The following PDZK1 variants were observed in gnomAD, a reference collection of about 807,000 sequenced individuals.
PDZK1 encodes PDZ domain containing 1, also known as Na(+)/H(+) exchange regulatory cofactor NHE-RF3.
In PDZK1, 23 loss-of-function variants were observed where a neutral mutation model predicts 38.1. That is an observed-to-expected ratio of 0.60 (90% CI 0.43 to 0.85). The LOEUF (loss-of-function observed/expected upper bound fraction) is 0.85, where lower values mean the gene tolerates loss of function less well. Ranked by LOEUF, PDZK1 falls within the 40% of genes least tolerant of loss-of-function variation. The pLI is 0.00. For synonymous variants in PDZK1, 98 were observed against 186.2 expected (o/e 0.53, Z 3.86); for missense variants, 297 against 504.3 (o/e 0.59, Z 3.94).
At chr1:145,699,988 T>A (rs74119451) in intron 1 of PDZK1, among the ~76,000 whole-genome samples, 4,761 of 152,228 alleles carry the variant, frequency 0.031, 228 homozygotes, top group African/African-American at 0.11. Flanking sequence ...GTCCACTCCA[T>A]CCAAGTTACT....
chr1:145,689,594 G>GC (rs1553702738), intron 1 of PDZK1, among the ~76,000 whole-genome samples: 1 of 152,182 alleles, frequency 6.6e-6, no homozygotes, highest in African/African-American at 2.4e-5. Context: ...GGCCAGAACA[G>GC]CAAGAGGCTG....
intron 1 of PDZK1, among the ~76,000 whole-genome samples, chr1:145,690,741 C>T (rs921011908): frequency 1.3e-5 from 2 of 152,166 alleles, no homozygotes; most frequent in African/African-American, 2.4e-5. Context: ...AAAGTGAAAC[C>T]TCCTCACTAG....
At chr1:145,691,006 T>A (rs781865191) in intron 1 of PDZK1, among the ~76,000 whole-genome samples, 8 of 152,190 alleles carry the variant, frequency 5.3e-5, no homozygotes, top group Non-Finnish European at 1.0e-4. Flanking sequence ...AGAGCCACTT[T>A]ATACCAATAG....
chr1:145,676,418 G>A (rs2101875340), intron 6 of PDZK1, among the ~76,000 whole-genome samples: 1 of 151,928 alleles, frequency 6.6e-6, no homozygotes, highest in Non-Finnish European at 1.5e-5. Flanking sequence ...CTCTGGTCCT[G>A]TTGTGCCCCA....
chr1:145,677,113 C>T (rs1249161860), intron 6 of PDZK1, among the ~76,000 whole-genome samples: 1 of 152,170 alleles, frequency 6.6e-6, no homozygotes, highest in East Asian at 1.9e-4. Context: ...ATGGTCATCT[C>T]TAGAAGCCAA....
At chr1:145,705,668 A>G (rs1041632833) in intron 1 of PDZK1, among the ~76,000 whole-genome samples, 2 of 152,172 alleles carry the variant, frequency 1.3e-5, no homozygotes, top group Admixed American at 6.5e-5. Context: ...AGTGACTGCA[A>G]TTTGTTTCTT....
chr1:145,685,035 C>A (rs1231190976), intron 3 of PDZK1, among the ~76,000 whole-genome samples: 15 of 151,870 alleles, frequency 9.9e-5, no homozygotes, highest in African/African-American at 3.4e-4. Context: ...AAGCACATGC[C>A]ACGTGGAGAT....
intron 1 of PDZK1, among the ~76,000 whole-genome samples, chr1:145,694,852 G>A (rs587603691): frequency 3.7e-5 from 5 of 133,364 alleles, no homozygotes; most frequent in South Asian, 2.3e-4. Context: ...TGCTGAGATC[G>A]CGCCAGTACA....
In PDZK1 at chr1:145,694,172, A is replaced by C. The variant is rs1330931815; in HGVS notation, c.-2-6149T>G. Among the ~76,000 whole-genome samples the C allele has an allele frequency of 2.0e-5, 3 of 152,200 alleles. No individual in the cohort carries two copies. In the East Asian group the frequency reaches 5.8e-4, roughly 29 times the overall value. ...AATTAAGTCTAGGGGATTGCTCCCCACCTCCCAAACCTAAACACCTTAAAA... is the reference window on the plus strand; with the variant it reads ...AATTAAGTCTAGGGGATTGCTCCCCCCCTCCCAAACCTAAACACCTTAAAA... On this transcript the variant is annotated intron_variant, in intron 1 of 8. Coordinates refer to ENST00000417171, the MANE Select transcript of PDZK1 (RefSeq NM_001201325.2).
intron 1 of PDZK1, among the ~76,000 whole-genome samples, chr1:145,697,341 G>A (rs1271820302): frequency 1.3e-5 from 2 of 151,740 alleles, no homozygotes; most frequent in Non-Finnish European, 2.9e-5. Flanking sequence ...GGGAAGGAAG[G>A]AAGGAAGGGA....
intron 1 of PDZK1, among the ~76,000 whole-genome samples, chr1:145,700,146 G>A (rs1179467670): frequency 2.0e-5 from 3 of 152,172 alleles, no homozygotes; most frequent in Non-Finnish European, 4.4e-5. Flanking sequence ...TCAGGCAAGG[G>A]ATTCTCTATC....
chr1:145,690,608 G>C (rs1391216104), intron 1 of PDZK1, among the ~76,000 whole-genome samples: 1 of 152,150 alleles, frequency 6.6e-6, no homozygotes, highest in African/African-American at 2.4e-5. Flanking sequence ...CAAGAGATGA[G>C]GCTGTTTGTG....
chr1:145,682,818 TG>T (rs1654399263), intron 3 of PDZK1, among the ~76,000 whole-genome samples, 182 bp from the exon 4 acceptor site: 1 of 152,210 alleles, frequency 6.6e-6, no homozygotes, highest in Non-Finnish European at 1.5e-5. Flanking sequence ...TTATAGGCTA[TG>T]ATGCACTATA....
intron 1 of PDZK1, among the ~76,000 whole-genome samples, chr1:145,704,682 T>C (rs1553705457): frequency 1.3e-5 from 2 of 152,174 alleles, no homozygotes; most frequent in Non-Finnish European, 2.9e-5. Flanking sequence ...ATTAAGGAAA[T>C]CTGGGCAGTC....
At chr1:145,703,897 C>T (rs782584420) in intron 1 of PDZK1, among the ~76,000 whole-genome samples, 2 of 151,674 alleles carry the variant, frequency 1.3e-5, no homozygotes, top group South Asian at 4.2e-4. Context: ...GGTGCGATCT[C>T]GGCTCACTGC....
intron 1 of PDZK1, among the ~76,000 whole-genome samples, chr1:145,689,935 C>T (rs1256716779): frequency 1.3e-5 from 2 of 152,142 alleles, no homozygotes; most frequent in African/African-American, 2.4e-5. Context: ...CTGCAGTCTC[C>T]GCAAAGTCTG....
intron 1 of PDZK1, among the ~76,000 whole-genome samples, chr1:145,703,910 C>A (rs587648125): frequency 6.6e-6 from 1 of 151,768 alleles, no homozygotes; most frequent in African/African-American, 2.4e-5. Context: ...CTCACTGCAA[C>A]CTCTGCCACT....
rs1341123339 is a variant in PDZK1, at chr1:145,672,785, G to GAT, written c.1450_1451insAT (p.Ser484TyrfsTer6). 3 of 1,611,714 alleles carry GAT rather than the reference G, an allele frequency of 1.9e-6. No individual in the cohort carries two copies. The African/African-American group carries it at 4.0e-5, about 22-fold the overall frequency. On this transcript the variant is annotated frameshift_variant, in exon 8 of 9. Coordinates refer to ENST00000417171, the MANE Select transcript of PDZK1 (RefSeq NM_001201325.2). LOFTEE classifies it high-confidence loss of function. ...TGACTCCACCACTATTCCTTCTTTA[G>GAT]AATCTGGAGGGGTGTCAAGTGGATC...
intron 5 of PDZK1, among the ~76,000 whole-genome samples, 159 bp downstream of exon 5, chr1:145,680,753 A>T (rs782480363): frequency 6.7e-6 from 1 of 149,412 alleles, no homozygotes; most frequent in Non-Finnish European, 1.5e-5. Flanking sequence ...GATGCCCAAC[A>T]TCAGACCCTC....
Sources: allele counts gnomAD v4.1 joint callset (sites outside exome capture counted in the v4.1 genomes callset), GRCh38; gene constraint gnomAD v4.1.1; transcripts MANE v1.5; gene names NCBI Gene and HGNC (gene_info 2026-07-23, HGNC 2026-07-21).